TFEB: variants seen among roughly 807,000 people sequenced by gnomAD.
The protein encoded by TFEB is T-cell transcription factor EB.
TFEB carries 12 observed loss-of-function variants against 48.0 expected under a neutral mutation model. The ratio of observed to expected loss-of-function variants is 0.25; its 90% CI spans 0.16 to 0.40. The LOEUF (loss-of-function observed/expected upper bound fraction) is 0.40, where lower values mean the gene tolerates loss of function less well. TFEB is among the 10% of genes least tolerant of loss of function. The pLI, the probability that TFEB is intolerant of heterozygous loss-of-function variation, is 1.00. For missense variants in TFEB, 509 were observed against 640.3 expected (o/e 0.79, Z 2.21); for synonymous variants, 244 against 261.4 (o/e 0.93, Z 0.64).
Position 41,730,845 on chromosome 6 carries a change from C to T in TFEB, c.-23+4505G>A, listed in dbSNP as rs1296885950. Among the ~76,000 whole-genome samples, 2 of 152,172 alleles carry T rather than the reference C, an allele frequency of 1.3e-5. No homozygotes were observed. The highest frequency in any genetic ancestry group is 2.9e-5 in the Non-Finnish European group (2 of 68,026). On this transcript the variant is annotated intron_variant, in intron 1 of 8. Transcript: ENST00000373033. The surrounding 1 kb of genome is among the most constrained non-coding windows in gnomAD (Gnocchi z 4.1). ...CAGGCCAGATGCTACCCAGGGAAAC[C>T]CAAGTGGCAGGGCAGGGGTGGTAGA...
intron 4 of TFEB, 21 bp downstream of exon 4, chr6:41,689,705 ACCCAC>A (rs1480876901): frequency 6.2e-7 from 1 of 1,601,362 alleles, no homozygotes; most frequent in Non-Finnish European, 8.6e-7. Context: ...ACCCTTGCAC[ACCCAC>A]CCCACCCTAG....
At chr6:41,689,861 G>A in intron 3 of TFEB, 50 bp from the exon 4 acceptor site, 2 of 1,483,298 alleles carry the variant, frequency 1.3e-6, no homozygotes, top group Non-Finnish European at 1.9e-6. Context: ...GAGGTGGGCA[G>A]GGGAAAGAGG....
At position 41,734,407 on chromosome 6, in the gene TFEB, C is replaced by A. The variant is rs970035093; in HGVS notation, c.-23+943G>T. Reference sequence around the variant, plus strand: ...GGGGCAGCCGTGCGTGAAGCCGGAACCCCGCGCGGGGAGGGGGCCGAGCTG... The same window carrying A: ...GGGGCAGCCGTGCGTGAAGCCGGAAACCCGCGCGGGGAGGGGGCCGAGCTG... On this transcript the variant is annotated intron_variant, in intron 1 of 8. Transcript: ENST00000373033. This position sits in a 1 kb window ranked among gnomAD's most constrained non-coding sequence, Gnocchi z 4.0. 9 of 984,678 alleles carry A rather than the reference C, an allele frequency of 9.1e-6. No individual in the cohort carries two copies. The highest frequency in any genetic ancestry group is 1.1e-5 in the Non-Finnish European group (9 of 829,544). 61.0% of individuals were successfully genotyped at this position (984,678 alleles called of 1,614,324 possible).
chr6:41,715,485 C>T (rs867782086), intron 1 of TFEB, among the ~76,000 whole-genome samples: 3 of 152,216 alleles, frequency 2.0e-5, no homozygotes, highest in East Asian at 3.9e-4. Flanking sequence ...GCTTGACCAA[C>T]ATGGTGAAAC....
At chr6:41,714,136 TGTGC>T (rs1445279638) in intron 1 of TFEB, among the ~76,000 whole-genome samples, 1 of 119,164 alleles carries the variant, frequency 8.4e-6, no homozygotes, top group Non-Finnish European at 1.7e-5. Context: ...CGTGTGCATG[TGTGC>T]GTGTGTGTGC....
chr6:41,715,046 C>CA (rs1770674263), intron 1 of TFEB, among the ~76,000 whole-genome samples: 1 of 152,154 alleles, frequency 6.6e-6, no homozygotes, highest in Non-Finnish European at 1.5e-5. Flanking sequence ...CACCAGGAGT[C>CA]AGTGTGAGGA....
intron 1 of TFEB, among the ~76,000 whole-genome samples, chr6:41,729,093 G>A (rs73422067): frequency 1.9e-3 from 289 of 151,498 alleles, no homozygotes; most frequent in African/African-American, 6.1e-3. Context: ...CCCCACTCCC[G>A]GCCCCGCCTC....
chr6:41,688,478 G>A (rs532886352), intron 4 of TFEB, among the ~76,000 whole-genome samples: 27 of 152,234 alleles, frequency 1.8e-4, no homozygotes, highest in African/African-American at 6.5e-4. Context: ...AAGGGCAGAA[G>A]TGGTGGGGGT....
At position 41,691,433 on chromosome 6, in the gene TFEB, T is replaced by C. The variant is rs1233843942; in HGVS notation, c.-22-198A>G. The C allele has an allele frequency of 1.1e-5, 8 of 725,128 alleles. No homozygotes were observed. In the Admixed American group the frequency reaches 1.6e-4, roughly 15 times the overall value. The allele number at this position is 725,128 out of a possible 1,614,324, so 44.9% of individuals were successfully genotyped here. The stretch of plus-strand genomic sequence containing the variant: ...GAGACATGAATCCAAGTTTCCTGGT[T>C]CCTGGACCAAAACTGAAGGTTCTGT... On this transcript the variant is annotated intron_variant, in intron 1 of 8. Coordinates refer to ENST00000373033, the MANE Select transcript of TFEB (RefSeq NM_001271944.2). This position sits in a 1 kb window ranked among gnomAD's most constrained non-coding sequence, Gnocchi z 5.2.
At position 41,684,677 on chromosome 6, in the gene TFEB, C is replaced by T. The variant is rs756201196; in HGVS notation, c.1353G>A (p.Leu451=). 2 of 1,613,150 alleles carry T rather than the reference C, an allele frequency of 1.2e-6. No homozygotes were observed. The highest frequency in any genetic ancestry group is 1.3e-5 in the African/African-American group (1 of 74,916). ...SLLPLASDPL[L]STMSPEASKA... ...TGGAGGCCTCGGGGGACATGGTGGACAGAAGTGGATCAGAGGCCAGCGGTA... is the reference window on the plus strand; with the variant it reads ...TGGAGGCCTCGGGGGACATGGTGGATAGAAGTGGATCAGAGGCCAGCGGTA... The change falls in exon 9 of 9, where the codon CTG becomes CTA. Residue 451 remains leucine (L), a synonymous_variant. Transcript: ENST00000373033.
Position 41,690,912 on chromosome 6 carries a change from C to T in TFEB, c.219G>A (p.Gln73=). 6.3e-7 allele frequency: 1 copy of T among 1,586,876 alleles called. No individual in the cohort carries two copies. Among genetic ancestry groups the T allele is most frequent in the Non-Finnish European group, 8.6e-7 (1 of 1,161,934 alleles). ...AGGATGTGGGATTCTCCAGGTAGGA[C>T]TGCACCTGGGAGGGGGAAAAGGCAA... The part of the protein sequence containing the change: ...PPVPGEVLKV[Q]SYLENPTSYH... The change falls in exon 3 of 9, where the codon CAG becomes CAA. Residue 73 remains glutamine (Q), a synonymous_variant. Transcript: ENST00000373033.
intron 6 of TFEB, 49 bp from the exon 7 acceptor site, chr6:41,687,218 C>G (rs571742042): frequency 1.3e-6 from 2 of 1,591,524 alleles, no homozygotes; most frequent in South Asian, 2.2e-5. Context: ...TGGGGACCCC[C>G]CACCCCATGG....
intron 1 of TFEB, among the ~76,000 whole-genome samples, chr6:41,715,296 A>G (rs1770686387): frequency 1.3e-5 from 2 of 152,154 alleles, no homozygotes; most frequent in Non-Finnish European, 2.9e-5. Context: ...TTCCAGGCCA[A>G]GCTGTTTCCC....
intron 1 of TFEB, chr6:41,733,712 T>G: frequency 1.0e-6 from 1 of 985,450 alleles, no homozygotes; most frequent in Non-Finnish European, 1.2e-6. Flanking sequence ...CTTCCCTTCC[T>G]CTGCCTCTGC....
chr6:41,697,421 A>G (rs1769653325), intron 1 of TFEB, among the ~76,000 whole-genome samples: 1 of 133,964 alleles, frequency 7.5e-6, no homozygotes, highest in Non-Finnish European at 1.7e-5. Flanking sequence ...AAAAAAAAAA[A>G]AAAAAAGAAT....
intron 1 of TFEB, among the ~76,000 whole-genome samples, chr6:41,699,571 T>C (rs1200629724): frequency 6.6e-6 from 1 of 152,250 alleles, no homozygotes; most frequent in Non-Finnish European, 1.5e-5. Flanking sequence ...TGTCATTCAC[T>C]GCAGGAGATG....
rs35792875 is a variant in TFEB, at chr6:41,718,185, G to GTT, written c.-23+17163_-23+17164dup. ...GTAAGAACATTTGAATTTTGGGGGTGTTTTTTTTTGTTGTTTTATTTTGTT... is the reference window on the plus strand; with the variant it reads ...GTAAGAACATTTGAATTTTGGGGGTGTTTTTTTTTTTGTTGTTTTATTTTGTT... On this transcript the variant is annotated intron_variant, in intron 1 of 8. Transcript: ENST00000373033. Among the ~76,000 whole-genome samples, 95 of 150,834 alleles carry GTT rather than the reference G, an allele frequency of 6.3e-4. 1 individual carries two copies. The highest frequency in any genetic ancestry group is 1.7e-3 in the African/African-American group (69 of 41,084).
At chr6:41,692,831 T>C (rs1769383321) in intron 1 of TFEB, among the ~76,000 whole-genome samples, 1 of 152,212 alleles carries the variant, frequency 6.6e-6, no homozygotes, top group Non-Finnish European at 1.5e-5. Flanking sequence ...ATCTTGGGGA[T>C]ATTGCAAGAG....
upstream of TFEB, chr6:41,735,625 G>T (rs1771651205): frequency 8.6e-6 from 8 of 931,888 alleles, no homozygotes; most frequent in Non-Finnish European, 1.0e-5. Context: ...TTCCCTCCGC[G>T]CCCGGCAGAG....
Sources: allele counts gnomAD v4.1 joint callset (sites outside exome capture counted in the v4.1 genomes callset), GRCh38; gene constraint gnomAD v4.1.1; non-coding constraint Gnocchi (gnomAD v3.1); transcripts MANE v1.5; gene names NCBI Gene and HGNC (gene_info 2026-07-23, HGNC 2026-07-21).